Variants in CACNA2D3 observed in about 807,000 individuals in gnomAD.
The protein encoded by CACNA2D3 is voltage-dependent calcium channel subunit alpha-2/delta-3.
CACNA2D3 carries 60 observed loss-of-function variants against 160.6 expected under a neutral mutation model. The observed-to-expected ratio is 0.37, with a 90% CI of 0.30 to 0.46. The LOEUF is 0.46. Among genes scored for constraint, CACNA2D3 ranks in the 20% least tolerant of loss-of-function variants. The probability of loss-of-function intolerance (pLI) is 1.00; values close to 1 mark genes in which losing one functional copy is unlikely to be tolerated. For missense variants in CACNA2D3, 1,205 were observed against 1,365.0 expected (o/e 0.88, Z 1.85); for synonymous variants, 558 against 492.9 (o/e 1.13, Z -1.75).
chr3:54,842,831 C>T (rs143007613), intron 16 of CACNA2D3, among the ~76,000 whole-genome samples: 1 of 151,864 alleles, frequency 6.6e-6, no homozygotes, highest in African/African-American at 2.4e-5. Context: ...GAACTCCTAA[C>T]CTGAAGTGAT....
At chr3:54,697,979 C>G (rs965112698) in intron 11 of CACNA2D3, among the ~76,000 whole-genome samples, 9 of 152,138 alleles carry the variant, frequency 5.9e-5, no homozygotes, top group Non-Finnish European at 1.3e-4. Flanking sequence ...CAATATGTTA[C>G]GTTAGCAACA....
intron 9 of CACNA2D3, among the ~76,000 whole-genome samples, chr3:54,595,384 A>G (rs1201236719): frequency 6.6e-6 from 1 of 150,766 alleles, no homozygotes; most frequent in Non-Finnish European, 1.5e-5. Flanking sequence ...GGGTGTCCAT[A>G]CTCATTGGTT....
chr3:54,316,197 A>G (rs113170738), intron 2 of CACNA2D3, among the ~76,000 whole-genome samples: 13,049 of 152,178 alleles, frequency 0.086, 629 homozygotes, highest in Middle Eastern at 0.14. Flanking sequence ...TGGGATGGCT[A>G]TGTGAAATTC....
intron 4 of CACNA2D3, among the ~76,000 whole-genome samples, chr3:54,451,169 G>C (rs7638271): frequency 0.99 from 149,147 of 150,720 alleles, 73,808 homozygotes; most frequent in East Asian, 1. Flanking sequence ...TGCCCCTGAC[G>C]TCAGATTCAT....
intron 2 of CACNA2D3, among the ~76,000 whole-genome samples, chr3:54,206,306 G>C (rs758965906): frequency 6.6e-6 from 1 of 152,158 alleles, no homozygotes; most frequent in African/African-American, 2.4e-5. Context: ...AGAAACGGTG[G>C]CTCTGTCTGT....
intron 2 of CACNA2D3, among the ~76,000 whole-genome samples, chr3:54,253,161 T>G (rs1268992413): frequency 1.3e-5 from 2 of 151,764 alleles, no homozygotes; most frequent in Admixed American, 1.3e-4. Context: ...ATAATGACAC[T>G]GTATTTTTAA....
At chr3:55,042,827 C>A (rs1000193766) in intron 35 of CACNA2D3, among the ~76,000 whole-genome samples, 1 of 152,066 alleles carries the variant, frequency 6.6e-6, no homozygotes, top group African/African-American at 2.4e-5. Flanking sequence ...CATCGGAAAC[C>A]ATGATATTTT....
chr3:54,688,770 A>T (rs1349612164), intron 11 of CACNA2D3, among the ~76,000 whole-genome samples: 1 of 151,130 alleles, frequency 6.6e-6, no homozygotes, highest in African/African-American at 2.4e-5. Flanking sequence ...TGGGAGGCCA[A>T]GGTGGGCGGA....
intron 18 of CACNA2D3, among the ~76,000 whole-genome samples, chr3:54,873,352 G>A (rs916231925): frequency 6.6e-6 from 1 of 151,810 alleles, no homozygotes; most frequent in South Asian, 2.1e-4. Flanking sequence ...TTCCATTGTT[G>A]CCCTTCCTCT....
At chr3:54,842,815 G>C (rs2106767946) in intron 16 of CACNA2D3, among the ~76,000 whole-genome samples, 1 of 151,604 alleles carries the variant, frequency 6.6e-6, no homozygotes, top group African/African-American at 2.4e-5. Context: ...TCACCAGGCT[G>C]GTCTTGAACT....
chr3:54,402,616 T>G (rs941408894), intron 4 of CACNA2D3, among the ~76,000 whole-genome samples: 1 of 152,142 alleles, frequency 6.6e-6, no homozygotes, highest in African/African-American at 2.4e-5. Flanking sequence ...GCACCCAATC[T>G]GAGAGCACCT....
chr3:54,681,038 A>T (rs1184425859), intron 11 of CACNA2D3, among the ~76,000 whole-genome samples: 1 of 152,018 alleles, frequency 6.6e-6, no homozygotes, highest in Non-Finnish European at 1.5e-5. Flanking sequence ...TTCATTGATT[A>T]TCTAATGGCT....
chr3:54,654,720 G>A (rs1353796411), intron 11 of CACNA2D3, among the ~76,000 whole-genome samples: 2 of 152,138 alleles, frequency 1.3e-5, no homozygotes, highest in African/African-American at 4.8e-5. Flanking sequence ...CTTTTTAGGA[G>A]GGAGTTCTGG....
At chr3:54,765,215 C>T (rs778558242) in intron 13 of CACNA2D3, among the ~76,000 whole-genome samples, 27 of 152,196 alleles carry the variant, frequency 1.8e-4, no homozygotes, top group Non-Finnish European at 3.7e-4. Context: ...CTTCTGGCAG[C>T]TACAGGCAAA....
At position 54,551,285 on chromosome 3, in the gene CACNA2D3, G is replaced by C. The variant is rs141783492; in HGVS notation, c.545-11515G>C. Among the ~76,000 whole-genome samples the C allele has an allele frequency of 9.1e-3, 1,384 of 152,290 alleles. 32 individuals carry two copies. The highest frequency in any genetic ancestry group is 0.031 in the African/African-American group (1,290 of 41,552). ...TGTGCACTCCACTAGGTCAAAGGCC[G>C]TGTCTGGTTTTGCCCACTGTTTTGT... On this transcript the variant is annotated intron_variant, in intron 5 of 37. Coordinates refer to ENST00000474759, the MANE Select transcript of CACNA2D3 (RefSeq NM_018398.3).
At chr3:54,865,789 C>T (rs374639405) in intron 17 of CACNA2D3, among the ~76,000 whole-genome samples, 10 of 152,098 alleles carry the variant, frequency 6.6e-5, no homozygotes, top group Non-Finnish European at 7.3e-5. Flanking sequence ...GCCAAATGGG[C>T]GTGTTTTCAG....
chr3:54,582,844 C>T (rs1231038504), intron 9 of CACNA2D3, among the ~76,000 whole-genome samples: 1 of 152,084 alleles, frequency 6.6e-6, no homozygotes, highest in Non-Finnish European at 1.5e-5. Context: ...AGGAAGTGAG[C>T]AACAGAGGAT....
At chr3:54,920,835 C>A (rs1030060291) in intron 27 of CACNA2D3, among the ~76,000 whole-genome samples, 12 of 152,184 alleles carry the variant, frequency 7.9e-5, no homozygotes, top group African/African-American at 2.9e-4. Flanking sequence ...TTTACCCAAT[C>A]ACCCCAGACT....
At chr3:54,270,075 C>T (rs1268103663) in intron 2 of CACNA2D3, among the ~76,000 whole-genome samples, 1 of 152,212 alleles carries the variant, frequency 6.6e-6, no homozygotes, top group East Asian at 1.9e-4. Context: ...TGAACACCAT[C>T]TCATTCAGAT....
Sources: gnomAD v4.1 joint callset for allele counts (sites outside exome capture counted in the v4.1 genomes callset) on GRCh38, gnomAD v4.1.1 for gene constraint, MANE v1.5 for transcripts, NCBI Gene and HGNC (gene_info 2026-07-23, HGNC 2026-07-21) for gene names.